The following KPNA3 variants were observed in gnomAD, a reference collection of about 807,000 sequenced individuals.
The protein encoded by KPNA3 is importin subunit alpha-4.
A neutral mutation model predicts 73.8 loss-of-function variants in KPNA3; 13 were observed. The observed-to-expected ratio is 0.18, with a 90% CI of 0.11 to 0.28. The LOEUF (loss-of-function observed/expected upper bound fraction) is 0.28, where lower values mean the gene tolerates loss of function less well. KPNA3 is among the 10% of genes least tolerant of loss of function. The pLI, the probability that KPNA3 is intolerant of heterozygous loss-of-function variation, is 1.00. For missense variants in KPNA3, 360 were observed against 618.1 expected, an observed-to-expected ratio of 0.58 and a Z score of 4.43; for synonymous variants, 186 against 206.9, an observed-to-expected ratio of 0.90 and a Z score of 0.87.
chr13:49,792,552 C>CGGCTACTCCTGCGGCTGCGGCGGT lies in KPNA3; in HGVS notation c.-47_-46insACCGCCGCAGCCGCAGGAGTAGCC. 8.9e-7 allele frequency: 1 copy of CGGCTACTCCTGCGGCTGCGGCGGT among 1,129,426 alleles called. No homozygotes were observed. The highest frequency in any genetic ancestry group is 1.2e-6 in the Non-Finnish European group (1 of 825,260). The allele number at this position is 1,129,426 out of a possible 1,614,324, so 70.0% of individuals were successfully genotyped here. On this transcript the variant is annotated 5_prime_UTR_variant, in exon 1 of 17. Coordinates refer to ENST00000261667, the MANE Select transcript of KPNA3 (RefSeq NM_002267.4). ...GCGGCTACTCCTGCGGCTGCGGCGG[C>CGGCTACTCCTGCGGCTGCGGCGGT]GGCGGCGGCGAATCTTGGAGCGGGA...
At chr13:49,774,059 C>G (rs555486232) in intron 1 of KPNA3, among the ~76,000 whole-genome samples, 1 of 150,952 alleles carries the variant, frequency 6.6e-6, no homozygotes, top group South Asian at 2.1e-4. Flanking sequence ...GTGTGTGCCA[C>G]TAAACCCAGG....
At chr13:49,764,923 T>A (rs1279364072) in intron 1 of KPNA3, among the ~76,000 whole-genome samples, 1 of 152,204 alleles carries the variant, frequency 6.6e-6, no homozygotes, top group African/African-American at 2.4e-5. Flanking sequence ...ATCAGCAACC[T>A]TCTATTCATG....
rs545135607 is a variant in KPNA3, at chr13:49,745,437, G to A, written c.114+1512C>T. ...TGTAGTGGCGTGACCCTGGCTCACT[G>A]CAGCCCCTGCCTCCAGGGTTCAAGC... is the stretch of plus-strand genomic sequence containing the variant. On this transcript the variant is annotated intron_variant, in intron 2 of 16. Coordinates refer to ENST00000261667, the MANE Select transcript of KPNA3 (RefSeq NM_002267.4). Among the ~76,000 whole-genome samples, 19 of 150,902 alleles carry A rather than the reference G, an allele frequency of 1.3e-4. No individual in the cohort carries two copies. The East Asian group carries it at 2.4e-3, about 19-fold the overall frequency.
intron 6 of KPNA3, among the ~76,000 whole-genome samples, chr13:49,732,128 T>C (rs146047658): frequency 0.011 from 1,694 of 152,266 alleles, 37 homozygotes; most frequent in African/African-American, 0.034. Context: ...TTGAGATAAG[T>C]TAAAACAGGC....
At chr13:49,783,410 G>C (rs1167339736) in intron 1 of KPNA3, among the ~76,000 whole-genome samples, 2 of 152,166 alleles carry the variant, frequency 1.3e-5, no homozygotes, top group East Asian at 3.9e-4. Context: ...ACCTCCACTT[G>C]AAAATGAGAA....
chr13:49,735,568 C>T (rs145270791), intron 2 of KPNA3, among the ~76,000 whole-genome samples: 191 of 152,246 alleles, frequency 1.3e-3, no homozygotes, highest in African/African-American at 4.5e-3. Context: ...CTGAAAACTG[C>T]ACTACAATAA....
At chr13:49,731,525 G>A (rs1020379710) in intron 6 of KPNA3, among the ~76,000 whole-genome samples, 2 of 152,080 alleles carry the variant, frequency 1.3e-5, no homozygotes, top group Admixed American at 6.6e-5. Context: ...GGCACACAAC[G>A]AAAGCAAATG....
At chr13:49,761,939 GA>G (rs1312386502) in intron 1 of KPNA3, among the ~76,000 whole-genome samples, 1 of 151,476 alleles carries the variant, frequency 6.6e-6, no homozygotes, top group Non-Finnish European at 1.5e-5. Flanking sequence ...CCCCGTCTGA[GA>G]AGTGAGGAGC....
At position 49,699,806 on chromosome 13, in the gene KPNA3, C is replaced by T. The variant is rs141523087; in HGVS notation, c.*1994G>A. The T allele has an allele frequency of 0.025, 3,786 of 152,630 alleles. 60 individuals carry two copies. Among genetic ancestry groups the T allele is most frequent in the Middle Eastern group, 0.034 (10 of 294 alleles). 9.5% of individuals were successfully genotyped at this position (152,630 alleles called of 1,614,324 possible). ...AGATTTGGACTTTTAAGGGTTTCAC[C>T]GAAGTTTGTGACCTTAATTAGCTTT... On this transcript the variant is annotated 3_prime_UTR_variant, in exon 17 of 17. Transcript: ENST00000261667.
At chr13:49,785,275 A>AG (rs1954972942) in intron 1 of KPNA3, among the ~76,000 whole-genome samples, 3 of 152,164 alleles carry the variant, frequency 2.0e-5, no homozygotes, top group Admixed American at 2.0e-4. Flanking sequence ...AATAAGGCCT[A>AG]AAGTAGGCTG....
chr13:49,737,557 GTGTC>G (rs1954534551), intron 2 of KPNA3, among the ~76,000 whole-genome samples: 2 of 98,568 alleles, frequency 2.0e-5, no homozygotes, highest in Non-Finnish European at 4.2e-5. Context: ...TTAAGTGTGT[GTGTC>G]TGTGTGTGTG....
chr13:49,714,149 A>G (rs1233721137), intron 10 of KPNA3, among the ~76,000 whole-genome samples: 2 of 152,246 alleles, frequency 1.3e-5, no homozygotes, highest in Non-Finnish European at 2.9e-5. Flanking sequence ...GCACAACAGC[A>G]AGAGTGAGTG....
At chr13:49,757,371 A>G (rs1954720728) in intron 1 of KPNA3, among the ~76,000 whole-genome samples, 1 of 152,214 alleles carries the variant, frequency 6.6e-6, no homozygotes, top group African/African-American at 2.4e-5. Context: ...CAACCAATGG[A>G]ACTAGAAAAT....
intron 2 of KPNA3, among the ~76,000 whole-genome samples, chr13:49,736,118 CT>C (rs1954519066): frequency 6.6e-6 from 1 of 152,056 alleles, no homozygotes; most frequent in African/African-American, 2.4e-5. Flanking sequence ...AAATCTTCAT[CT>C]AGTTTAGGTT....
intron 2 of KPNA3, among the ~76,000 whole-genome samples, chr13:49,735,660 A>G (rs544767363): frequency 2.5e-4 from 38 of 152,264 alleles, no homozygotes; most frequent in Non-Finnish European, 4.4e-4. Flanking sequence ...CCTAATTTCA[A>G]CACCCAACCA....
At chr13:49,716,124 G>A (rs1256996935) in intron 10 of KPNA3, among the ~76,000 whole-genome samples, 1 of 152,146 alleles carries the variant, frequency 6.6e-6, no homozygotes, top group South Asian at 2.1e-4. Context: ...ACAGCTGGGT[G>A]TTAGGCACCC....
chr13:49,753,720 G>A (rs1297262573), intron 1 of KPNA3, among the ~76,000 whole-genome samples: 1 of 152,176 alleles, frequency 6.6e-6, no homozygotes, highest in Non-Finnish European at 1.5e-5. Flanking sequence ...GATTCTCATA[G>A]AAACACAAAC....
chr13:49,741,453 G>GA (rs1279110539), intron 2 of KPNA3, among the ~76,000 whole-genome samples: 23 of 147,564 alleles, frequency 1.6e-4, no homozygotes, highest in African/African-American at 5.5e-4. Context: ...CTGCTCTTTT[G>GA]CCCTTTTTTT....
At chr13:49,775,762 G>A (rs78844280) in intron 1 of KPNA3, among the ~76,000 whole-genome samples, 2,173 of 152,152 alleles carry the variant, frequency 0.014, 21 homozygotes, top group Non-Finnish European at 0.024. Flanking sequence ...TGAATAGAAG[G>A]ATCTTGTTTC....
Sources: gnomAD v4.1 joint callset for allele counts (sites outside exome capture counted in the v4.1 genomes callset) on GRCh38, gnomAD v4.1.1 for gene constraint, MANE v1.5 for transcripts, NCBI Gene and HGNC (gene_info 2026-07-23, HGNC 2026-07-21) for gene names.